PDS5A: variants seen among roughly 807,000 people sequenced by gnomAD.
PDS5A encodes the protein sister chromatid cohesion protein PDS5 homolog A.
A neutral mutation model predicts 167.1 loss-of-function variants in PDS5A; 42 were observed. The ratio of observed to expected loss-of-function variants is 0.25; its 90% CI spans 0.20 to 0.33. The LOEUF (loss-of-function observed/expected upper bound fraction) is 0.33, where lower values mean the gene tolerates loss of function less well. Ranked by LOEUF, PDS5A falls within the 10% of genes least tolerant of loss-of-function variation. The pLI, the probability that PDS5A is intolerant of heterozygous loss-of-function variation, is 1.00. For synonymous variants in PDS5A, 553 were observed against 554.6 expected (o/e 1.00, Z 0.04); for missense variants, 1,033 against 1,605.9 (o/e 0.64, Z 6.10).
chr4:39,868,958 T>C (rs1024788026), intron 22 of PDS5A, among the ~76,000 whole-genome samples: 15 of 152,106 alleles, frequency 9.9e-5, no homozygotes, highest in African/African-American at 3.6e-4. Flanking sequence ...TGCTTGTAGA[T>C]AGTGGTGATG....
intron 9 of PDS5A, among the ~76,000 whole-genome samples, chr4:39,912,435 C>T (rs900313937): frequency 4.6e-5 from 7 of 152,208 alleles, no homozygotes; most frequent in African/African-American, 1.4e-4. Flanking sequence ...TCATTCCCAC[C>T]ATTCAAAATT....
At chr4:39,946,781 C>A (rs985698513) in intron 2 of PDS5A, among the ~76,000 whole-genome samples, 1 of 151,844 alleles carries the variant, frequency 6.6e-6, no homozygotes, top group South Asian at 2.1e-4. Context: ...TCAGGCGTGG[C>A]GGGCACCTGT....
At chr4:39,874,050 A>G (rs1404664255) in intron 20 of PDS5A, among the ~76,000 whole-genome samples, 1 of 152,162 alleles carries the variant, frequency 6.6e-6, no homozygotes, top group Non-Finnish European at 1.5e-5. Flanking sequence ...TCTCAAAAAC[A>G]AACTAAAAAA....
At chr4:39,874,510 G>A in intron 19 of PDS5A, 98 bp from the exon 20 acceptor site, 1 of 917,882 alleles carries the variant, frequency 1.1e-6, no homozygotes, top group African/African-American at 1.7e-5. Context: ...ATGGATGCTA[G>A]TAGAGAAGGC....
At chr4:39,889,530 T>C (rs1186576985) in intron 17 of PDS5A, among the ~76,000 whole-genome samples, 1 of 152,208 alleles carries the variant, frequency 6.6e-6, no homozygotes, top group African/African-American at 2.4e-5. Context: ...AAGTGCTGCA[T>C]AGTAACTGAA....
chr4:39,909,215 G>A (rs558814385), intron 10 of PDS5A, among the ~76,000 whole-genome samples: 5 of 151,204 alleles, frequency 3.3e-5, no homozygotes, highest in South Asian at 4.2e-4. Context: ...AACCTCCGCC[G>A]CCCAGGTTCA....
At chr4:39,835,063 C>T (rs560292448) in intron 32 of PDS5A, among the ~76,000 whole-genome samples, 297 of 152,234 alleles carry the variant, frequency 2.0e-3, no homozygotes, top group Non-Finnish European at 3.2e-3. Flanking sequence ...CTCTACCTCC[C>T]GGGTAGCTGA....
Position 39,856,220 on chromosome 4 carries a change from AC to A in PDS5A, c.3086+5998del, listed in dbSNP as rs1211367019. 2.0e-5 allele frequency among the ~76,000 whole-genome samples: 3 copies of A among 152,046 alleles called. No homozygotes were observed. In the East Asian group the frequency reaches 5.8e-4, roughly 29 times the overall value. On this transcript the variant is annotated intron_variant, in intron 26 of 32. Transcript: ENST00000303538. ...TTCTAAAAAAACAAAAAACAAAAAA[AC>A]CCCAACAACTCGTCAACCAAGAATC... is the stretch of plus-strand genomic sequence containing the variant.
chr4:39,919,008 T>C (rs894604171), intron 7 of PDS5A, among the ~76,000 whole-genome samples: 3 of 152,080 alleles, frequency 2.0e-5, no homozygotes, highest in African/African-American at 4.8e-5. Context: ...GAAAACCTAA[T>C]GGGGATGGTT....
At chr4:39,931,518 G>A (rs1239304107) in intron 2 of PDS5A, among the ~76,000 whole-genome samples, 1 of 152,112 alleles carries the variant, frequency 6.6e-6, no homozygotes, top group Non-Finnish European at 1.5e-5. Flanking sequence ...GTGTTTTGAA[G>A]GTAACTCATT....
intron 19 of PDS5A, among the ~76,000 whole-genome samples, chr4:39,875,894 GAA>G (rs1049138441): frequency 1.3e-5 from 2 of 151,988 alleles, no homozygotes; most frequent in Admixed American, 6.6e-5. Context: ...AAATAATACA[GAA>G]AGTCAACTTT....
chr4:39,826,462 T>C (rs1237741808), intron 32 of PDS5A, among the ~76,000 whole-genome samples: 2 of 151,416 alleles, frequency 1.3e-5, no homozygotes, highest in Non-Finnish European at 3.0e-5. Context: ...CTTGCCTAAT[T>C]CATTCCACAT....
In PDS5A at chr4:39,863,345, A is replaced by G. The variant is rs1014741192; in HGVS notation, c.2757T>C (p.Leu919=). The G allele has an allele frequency of 6.3e-6, 10 of 1,592,796 alleles. No individual in the cohort carries two copies. The highest frequency in any genetic ancestry group is 8.5e-6 in the Non-Finnish European group (10 of 1,172,198). Reference sequence around the variant, plus strand: ...TAAGATTGTTACTTACATTAATAACAAGTGCACAGAGCTGAAACTGTTCTG... The same window carrying G: ...TAAGATTGTTACTTACATTAATAACGAGTGCACAGAGCTGAAACTGTTCTG... ...ITPEQFQLCA[L]VINDECYQVR... is the part of the protein sequence containing the mutation. The change falls in exon 24 of 33, where the codon CTT becomes CTC. Residue 919 remains leucine, a synonymous_variant. Coordinates refer to ENST00000303538, the MANE Select transcript of PDS5A (RefSeq NM_001100399.2).
At chr4:39,843,646 G>A (rs971047688) in intron 30 of PDS5A, among the ~76,000 whole-genome samples, 5 of 152,124 alleles carry the variant, frequency 3.3e-5, no homozygotes, top group African/African-American at 7.2e-5. Flanking sequence ...GGAGGTTGCC[G>A]TGAGCTGACA....
intron 17 of PDS5A, among the ~76,000 whole-genome samples, chr4:39,888,920 T>C (rs1578676373): frequency 6.6e-6 from 1 of 152,202 alleles, no homozygotes; most frequent in African/African-American, 2.4e-5. Flanking sequence ...AAGATGAATA[T>C]TTAAGGTGAT....
chr4:39,931,891 CTTT>C (rs372230505), intron 2 of PDS5A, among the ~76,000 whole-genome samples: 2 of 136,088 alleles, frequency 1.5e-5, no homozygotes. Context: ...GGTCAGGTGA[CTTT>C]TTTTTTTTTT....
intron 2 of PDS5A, among the ~76,000 whole-genome samples, chr4:39,965,342 G>A (rs771620225): frequency 1.3e-5 from 2 of 152,198 alleles, no homozygotes; most frequent in Non-Finnish European, 2.9e-5. Flanking sequence ...TAAAGCCACT[G>A]TGGATCATCT....
chr4:39,840,688 G>A (rs1384206423), intron 31 of PDS5A, among the ~76,000 whole-genome samples: 5 of 151,970 alleles, frequency 3.3e-5, no homozygotes, highest in African/African-American at 4.8e-5. Flanking sequence ...GAGCCACTGC[G>A]CCGGGTCGCC....
intron 16 of PDS5A, among the ~76,000 whole-genome samples, 174 bp from the exon 17 acceptor site, chr4:39,890,538 A>G (rs1325855928): frequency 6.6e-6 from 1 of 152,090 alleles, no homozygotes; most frequent in Non-Finnish European, 1.5e-5. Flanking sequence ...TCTGGACAGC[A>G]GAGAAAAGAA....
Sources: allele counts gnomAD v4.1 joint callset (sites outside exome capture counted in the v4.1 genomes callset), GRCh38; gene constraint gnomAD v4.1.1; transcripts MANE v1.5; gene names NCBI Gene and HGNC (gene_info 2026-07-23, HGNC 2026-07-21).